Variants in DIABLO observed in about 807,000 individuals in gnomAD.
DIABLO encodes diablo IAP-binding mitochondrial protein.
Under a neutral mutation model 31.7 loss-of-function variants are expected in DIABLO, and 32 were observed. The ratio of observed to expected loss-of-function variants is 1.01; its 90% CI spans 0.76 to 1.35. The LOEUF is 1.35. Ranked by LOEUF, DIABLO falls within the 40% of genes most tolerant of loss-of-function variation. The probability of loss-of-function intolerance (pLI) is 0.00; values close to 1 mark genes in which losing one functional copy is unlikely to be tolerated. For synonymous variants in DIABLO, 132 were observed against 103.2 expected (o/e 1.28, Z -1.69); for missense variants, 316 against 286.4 (o/e 1.10, Z -0.75).
chr12:122,218,154 G>A, intron 3 of DIABLO, 112 bp downstream of exon 3: 1 of 1,290,016 alleles, frequency 7.8e-7, no homozygotes, highest in Admixed American at 1.8e-5. Flanking sequence ...TAAACAAATA[G>A]GCCTGGCTAT....
In DIABLO at chr12:122,208,149, G is replaced by A; in HGVS notation, c.*232C>T. On this transcript the variant is annotated 3_prime_UTR_variant, in exon 6 of 6. Transcript: ENST00000464942. The stretch of plus-strand genomic sequence containing the variant: ...AAATGGGTAAGAGCAGCTGTACAGA[G>A]TGGGGTGAAATGTTAAACAGGGTGC... 2.9e-6 allele frequency: 2 copies of A among 693,318 alleles called. No individual in the cohort carries two copies. Among genetic ancestry groups the A allele is most frequent in the Non-Finnish European group, 5.2e-6 (2 of 382,156 alleles). 42.9% of individuals were successfully genotyped at this position (693,318 alleles called of 1,614,324 possible).
At chr12:122,225,835 A>C in intron 1 of DIABLO, 130 bp downstream of exon 1, 1 of 1,515,866 alleles carries the variant, frequency 6.6e-7, no homozygotes, top group Non-Finnish European at 8.8e-7. Context: ...CCGGAGCGAG[A>C]CGCCGCGACC....
At chr12:122,225,734 T>C in intron 1 of DIABLO, 1 of 1,429,620 alleles carries the variant, frequency 7.0e-7, no homozygotes, top group Non-Finnish European at 9.1e-7. Flanking sequence ...GCCCGGGGTC[T>C]CGGGGACTCG....
At position 122,208,164 on chromosome 12, in the gene DIABLO, A is replaced by C. The variant is rs1158932814; in HGVS notation, c.*217T>G. ...GCTGTACAGAGTGGGGTGAAATGTT[A>C]AACAGGGTGCAGTGCCCAAGGGCTA... On this transcript the variant is annotated 3_prime_UTR_variant, in exon 6 of 6. Transcript: ENST00000464942. The C allele has an allele frequency of 1.4e-5, 10 of 701,742 alleles. No individual in the cohort carries two copies. The highest frequency in any genetic ancestry group is 2.6e-5 in the Non-Finnish European group (10 of 388,634). 43.5% of individuals were successfully genotyped at this position (701,742 alleles called of 1,614,324 possible). A position where few individuals can be genotyped will look rare whatever the true frequency, so the allele number is the denominator to read the frequency against.
Position 122,208,498 on chromosome 12 carries a change from G to A in DIABLO, c.603C>T (p.Ser201=), listed in dbSNP as rs749218903. The change falls in exon 6 of 6, where the codon TCC becomes TCT. Residue 201 remains serine, a synonymous_variant. Coordinates refer to ENST00000464942, the MANE Select transcript of DIABLO (RefSeq NM_001371333.1). ...CTGCCAGCTTGGTTTCTGCTTTCCGGGAGAGCTGGTGCACCTCTTCCACCT... is the reference window on the plus strand; with the variant it reads ...CTGCCAGCTTGGTTTCTGCTTTCCGAGAGAGCTGGTGCACCTCTTCCACCT... ...KLQVEEVHQL[S]RKAETKLAEA... 14 of 1,613,964 alleles carry A rather than the reference G, an allele frequency of 8.7e-6. No individual in the cohort carries two copies. Among genetic ancestry groups the A allele is most frequent in the Non-Finnish European group, 1.2e-5 (14 of 1,180,040 alleles).
At chr12:122,223,876 C>G (rs920260385) in intron 2 of DIABLO, among the ~76,000 whole-genome samples, 3 of 152,222 alleles carry the variant, frequency 2.0e-5, no homozygotes, top group African/African-American at 7.2e-5. Context: ...TCATAGCTCA[C>G]TGCAGCCTCA....
intron 2 of DIABLO, chr12:122,221,300 G>C (rs1054914557): frequency 2.0e-5 from 3 of 152,178 alleles, no homozygotes; most frequent in African/African-American, 7.2e-5. Flanking sequence ...TAATACTTTT[G>C]TTGCAGGGGA....
chr12:122,211,329 G>A (rs1566022018), intron 5 of DIABLO, among the ~76,000 whole-genome samples: 1 of 152,076 alleles, frequency 6.6e-6, no homozygotes, highest in Non-Finnish European at 1.5e-5. Flanking sequence ...ACCCTGGGAG[G>A]CAGAAGTAAC....
intron 5 of DIABLO, among the ~76,000 whole-genome samples, chr12:122,211,990 C>G (rs1395737947): frequency 6.8e-6 from 1 of 146,674 alleles, no homozygotes; most frequent in Non-Finnish European, 1.5e-5. Context: ...GAAATTATTC[C>G]TATAATTTTT....
chr12:122,217,891 T>G (rs945622424), intron 3 of DIABLO: 19 of 253,506 alleles, frequency 7.5e-5, no homozygotes, highest in Admixed American at 2.5e-4. Context: ...CCTCTGTTGA[T>G]GGACCACAGG....
rs761643830 is a variant in DIABLO at position 122,216,579 on chromosome 12, A to C, written c.432T>G (p.Thr144=). The stretch of plus-strand genomic sequence containing the variant: ...GCTTCAAGTACTCTTGGTGTTTTGA[A>C]GTCATCTATATAAATCAAGCAAAGT... ...QVIIGARAEM[T]SKHQEYLKLE... Residue 144 remains threonine (T), a synonymous_variant, in exon 5 of 6, where the codon ACT becomes ACG. Coordinates refer to ENST00000464942, the MANE Select transcript of DIABLO (RefSeq NM_001371333.1). The C allele has an allele frequency of 6.2e-7, 1 of 1,614,176 alleles. No individual in the cohort carries two copies. The highest frequency in any genetic ancestry group is 8.5e-7 in the Non-Finnish European group (1 of 1,179,990).
intron 5 of DIABLO, among the ~76,000 whole-genome samples, chr12:122,213,377 T>C (rs995889462): frequency 2.0e-5 from 3 of 151,860 alleles, no homozygotes; most frequent in African/African-American, 2.4e-5. Context: ...CGGAAACATA[T>C]AATCCCAGCT....
At chr12:122,214,405 G>C (rs1954159345) in intron 5 of DIABLO, among the ~76,000 whole-genome samples, 1 of 152,108 alleles carries the variant, frequency 6.6e-6, no homozygotes, top group South Asian at 2.1e-4. Context: ...CTTGACATCA[G>C]AAAACAAGAG....
At chr12:122,224,931 G>T in intron 1 of DIABLO, 1 of 957,242 alleles carries the variant, frequency 1.0e-6, no homozygotes, top group Non-Finnish European at 1.4e-6. Flanking sequence ...CAACATGGCT[G>T]GCAACATGAC....
chr12:122,216,135 C>T (rs1471088838), intron 5 of DIABLO, among the ~76,000 whole-genome samples: 1 of 152,176 alleles, frequency 6.6e-6, no homozygotes, highest in Non-Finnish European at 1.5e-5. Flanking sequence ...GATTACTCAT[C>T]TCAAGTCTCA....
rs373401386 is a variant in DIABLO at position 122,215,659 on chromosome 12, G to A, written c.523+829C>T. Among the ~76,000 whole-genome samples, 8 of 152,134 alleles carry A rather than the reference G, an allele frequency of 5.3e-5. No homozygotes were observed. The East Asian group carries it at 7.7e-4, about 15-fold the overall frequency. ...ACCTAGGTTGGGACCACTCAGGTAGGATGTTCTATGATGGGCACCTTGGGG... is the reference window on the plus strand; with the variant it reads ...ACCTAGGTTGGGACCACTCAGGTAGAATGTTCTATGATGGGCACCTTGGGG... On this transcript the variant is annotated intron_variant, in intron 5 of 5. Coordinates refer to ENST00000464942, the MANE Select transcript of DIABLO (RefSeq NM_001371333.1).
chr12:122,209,195 C>T (rs1403761053), intron 5 of DIABLO, among the ~76,000 whole-genome samples: 1 of 151,466 alleles, frequency 6.6e-6, no homozygotes, highest in African/African-American at 2.4e-5. Context: ...CCCGTCTCTA[C>T]CAAAAATACA....
Position 122,208,562 on chromosome 12 carries a change from G to C in DIABLO, c.539C>G (p.Ser180Cys), listed in dbSNP as rs767109973. ...AAYQTGADQA[S>C]ITARNHIQLV... ...CTGAATGTGATTCCTGGCGGTTATAGAGGCCTGATCTGCGCCTGCCAAAAG... is the reference window on the plus strand; with the variant it reads ...CTGAATGTGATTCCTGGCGGTTATACAGGCCTGATCTGCGCCTGCCAAAAG... The change falls in exon 6 of 6, where the codon TCT (serine) becomes TGT (cysteine). Residue 180 changes from serine to cysteine, a missense_variant. Coordinates refer to ENST00000464942, the MANE Select transcript of DIABLO (RefSeq NM_001371333.1). The C allele has an allele frequency of 6.2e-7, 1 of 1,613,306 alleles. No homozygotes were observed. Among genetic ancestry groups the C allele is most frequent in the Non-Finnish European group, 8.5e-7 (1 of 1,180,030 alleles).
intron 5 of DIABLO, chr12:122,208,808 T>C (rs183794617): frequency 1.6e-6 from 1 of 634,514 alleles, no homozygotes; most frequent in Admixed American, 2.1e-5. Flanking sequence ...GCGGCCAACA[T>C]CACAATTATT....
Sources: allele counts gnomAD v4.1 joint callset (sites outside exome capture counted in the v4.1 genomes callset), GRCh38; gene constraint gnomAD v4.1.1; transcripts MANE v1.5; gene names NCBI Gene and HGNC (gene_info 2026-07-23, HGNC 2026-07-21).